RASSF3: variants seen among roughly 807,000 people sequenced by gnomAD.
RASSF3 encodes ras association domain-containing protein 3.
RASSF3 carries 19 observed loss-of-function variants against 19.9 expected under a neutral mutation model. That is an observed-to-expected ratio of 0.96 (90% confidence interval 0.67 to 1.40). RASSF3 has a LOEUF of 1.40. RASSF3 is among the 40% of genes most tolerant of loss of function. The probability of loss-of-function intolerance (pLI) is 0.00; values close to 1 mark genes in which losing one functional copy is unlikely to be tolerated. For missense variants in RASSF3, 306 were observed against 289.8 expected, an observed-to-expected ratio of 1.06 and a Z score of -0.41; for synonymous variants, 110 against 104.2, an observed-to-expected ratio of 1.06 and a Z score of -0.34.
intron 2 of RASSF3, among the ~76,000 whole-genome samples, chr12:64,562,023 T>TG (rs1869356671): frequency 1.8e-4 from 25 of 139,868 alleles, no homozygotes; most frequent in Admixed American, 1.2e-3. Context: ...ATTTATTTAT[T>TG]TTTGTTTGTT....
At chr12:64,598,309 A>C (rs967755320) in intron 2 of RASSF3, among the ~76,000 whole-genome samples, 1 of 152,198 alleles carries the variant, frequency 6.6e-6, no homozygotes, top group Non-Finnish European at 1.5e-5. Flanking sequence ...ACAGTCTGTT[A>C]TCATTACATA....
intron 1 of RASSF3, among the ~76,000 whole-genome samples, chr12:64,641,421 C>CGCGCGT (rs1555213837): frequency 3.8e-4 from 57 of 151,698 alleles, no homozygotes; most frequent in African/African-American, 1.3e-3. Flanking sequence ...CACACGCGCG[C>CGCGCGT]GCGCGCGTTG....
At chr12:64,576,323 A>G (rs1381141876) in intron 2 of RASSF3, among the ~76,000 whole-genome samples, 2 of 152,170 alleles carry the variant, frequency 1.3e-5, no homozygotes, top group African/African-American at 2.4e-5. Context: ...GAACGGTTGA[A>G]TATCTATGGA....
chr12:64,614,815 A>G (rs1870497042), intron 1 of RASSF3, among the ~76,000 whole-genome samples: 1 of 150,210 alleles, frequency 6.7e-6, no homozygotes, highest in Non-Finnish European at 1.5e-5. Flanking sequence ...CTCATACCTC[A>G]GCCTCCTGAG....
chr12:64,663,617 C>T (rs1872445771), intron 1 of RASSF3, among the ~76,000 whole-genome samples: 1 of 151,836 alleles, frequency 6.6e-6, no homozygotes, highest in African/African-American at 2.4e-5. Context: ...GTGATCCTCC[C>T]ACCTCAACCT....
chr12:64,582,070 C>T (rs1274339344), intron 2 of RASSF3, among the ~76,000 whole-genome samples: 1 of 152,022 alleles, frequency 6.6e-6, no homozygotes, highest in Non-Finnish European at 1.5e-5. Flanking sequence ...AGGTGGGGGT[C>T]TCAAATTCCT....
chr12:64,608,481 T>C (rs947203113), upstream of RASSF3, among the ~76,000 whole-genome samples: 6 of 152,046 alleles, frequency 3.9e-5, no homozygotes, highest in Admixed American at 1.3e-4. Context: ...CCCAACTAAT[T>C]TTTGTAGTTT....
chr12:64,660,984 A>AC (rs1253146578), intron 1 of RASSF3, among the ~76,000 whole-genome samples: 1 of 152,020 alleles, frequency 6.6e-6, no homozygotes, highest in Non-Finnish European at 1.5e-5. Context: ...ATATAATAGA[A>AC]CACCCCTTTC....
chr12:64,600,855 T>C (rs1870079489), intron 2 of RASSF3, among the ~76,000 whole-genome samples: 3 of 152,362 alleles, frequency 2.0e-5, no homozygotes, highest in South Asian at 4.1e-4. Flanking sequence ...TCTGATTCGA[T>C]TACTATGGGA....
intron 2 of RASSF3, among the ~76,000 whole-genome samples, chr12:64,585,897 C>A (rs900820522): frequency 6.6e-6 from 1 of 152,158 alleles, no homozygotes; most frequent in East Asian, 1.9e-4. Context: ...TGAGCCGGTG[C>A]ACCTGGCCAA....
At chr12:64,632,280 C>T (rs190076617) in intron 1 of RASSF3, among the ~76,000 whole-genome samples, 112 of 152,126 alleles carry the variant, frequency 7.4e-4, no homozygotes, top group Middle Eastern at 6.8e-3. Flanking sequence ...TGAAAAACTA[C>T]GCTGGAAAGG....
At chr12:64,589,428 C>T (rs770237129) in intron 2 of RASSF3, among the ~76,000 whole-genome samples, 1 of 151,838 alleles carries the variant, frequency 6.6e-6, no homozygotes, top group East Asian at 1.9e-4. Flanking sequence ...CCAGCCTGGG[C>T]AACAGAGTGA....
intron 1 of RASSF3, among the ~76,000 whole-genome samples, chr12:64,681,048 C>T (rs544247636): frequency 2.6e-5 from 4 of 152,320 alleles, no homozygotes; most frequent in East Asian, 1.9e-4. Flanking sequence ...TCAAGCTTCT[C>T]GGTCTGCCTG....
chr12:64,540,741 G>A (rs970722957), intron 1 of RASSF3, among the ~76,000 whole-genome samples: 1 of 152,194 alleles, frequency 6.6e-6, no homozygotes, highest in Non-Finnish European at 1.5e-5. Context: ...GATCGCTTGA[G>A]CCTAGGAGGT....
At chr12:64,581,665 A>C (rs1351883553) in intron 2 of RASSF3, among the ~76,000 whole-genome samples, 1 of 152,118 alleles carries the variant, frequency 6.6e-6, no homozygotes, top group Non-Finnish European at 1.5e-5. Flanking sequence ...AGTGATGAAA[A>C]TTAGAATGTT....
intron 1 of RASSF3, among the ~76,000 whole-genome samples, chr12:64,627,102 T>A (rs1277697783): frequency 6.6e-6 from 1 of 152,220 alleles, no homozygotes; most frequent in Non-Finnish European, 1.5e-5. Flanking sequence ...AGATTATAGA[T>A]TATTACATAA....
intron 2 of RASSF3, among the ~76,000 whole-genome samples, chr12:64,569,506 C>T (rs1565840913): frequency 6.6e-6 from 1 of 152,244 alleles, no homozygotes; most frequent in African/African-American, 2.4e-5. Context: ...ACAACCAGTT[C>T]CTCCCAGCTC....
chr12:64,532,296 A>T (rs1191713586), upstream of RASSF3, among the ~76,000 whole-genome samples: 1 of 152,162 alleles, frequency 6.6e-6, no homozygotes, highest in Non-Finnish European at 1.5e-5. Flanking sequence ...CTATTATTAT[A>T]GTGGGCCTTT....
intron 1 of RASSF3, among the ~76,000 whole-genome samples, chr12:64,511,597 C>T (rs1868328563): frequency 6.6e-6 from 1 of 152,198 alleles, no homozygotes; most frequent in Admixed American, 6.5e-5. Flanking sequence ...TAACCTGCTC[C>T]AGGGCACTTT....
Sources: allele counts gnomAD v4.1 joint callset (sites outside exome capture counted in the v4.1 genomes callset), GRCh38; gene constraint gnomAD v4.1.1; transcripts MANE v1.5; gene names NCBI Gene and HGNC (gene_info 2026-07-23, HGNC 2026-07-21).